ZNF593OS: variants seen among roughly 807,000 people sequenced by gnomAD.
The protein encoded by ZNF593OS is ZNF593 opposite strand.
chr1:26,170,524 G>C (rs775299510), exon 2 of ZNF593OS: 1 of 1,614,188 alleles, frequency 6.2e-7, no homozygotes, highest in Non-Finnish European at 8.5e-7. Flanking sequence ...GTGCTCAGCA[G>C]ATAGGGCTCT....
chr1:26,171,027 C>T lies in ZNF593OS; in HGVS notation c.*162G>A, dbSNP rs1244084180. On this transcript the variant is annotated 3_prime_UTR_variant, in exon 2 of 2. Transcript: ENST00000648649. This position sits in a 1 kb window ranked among gnomAD's most constrained non-coding sequence, Gnocchi z 5.5. Reference sequence around the variant, plus strand: ...AGGTCCTAGCATCTGAACTGGAGCACCCAGATGGAGGCCTGATGCAGTGTG... The same window carrying T: ...AGGTCCTAGCATCTGAACTGGAGCATCCAGATGGAGGCCTGATGCAGTGTG... The T allele has an allele frequency of 3.9e-6, 2 of 517,600 alleles. No individual in the cohort carries two copies. Among genetic ancestry groups the T allele is most frequent in the Non-Finnish European group, 6.8e-6 (2 of 294,516 alleles). 32.1% of individuals were successfully genotyped at this position (517,600 alleles called of 1,614,324 possible). A position where few individuals can be genotyped will look rare whatever the true frequency, so the allele number is the denominator to read the frequency against.
At chr1:26,170,372 G>A (rs2088477512), downstream of ZNF593OS, 2 of 1,589,578 alleles carry the variant, frequency 1.3e-6, no homozygotes, top group African/African-American at 2.7e-5. Context: ...GGTGCACTTG[G>A]GAGACTATCA....
downstream of ZNF593OS, chr1:26,170,095 C>CA: frequency 6.4e-7 from 1 of 1,570,890 alleles, no homozygotes; most frequent in Non-Finnish European, 8.6e-7. Context: ...GCTGCGGCCT[C>CA]AGGGATCCGC....
At chr1:26,169,834 G>T, downstream of ZNF593OS, 1 of 848,182 alleles carries the variant, frequency 1.2e-6, no homozygotes. Flanking sequence ...CGCTCGAGCC[G>T]CTGGCCGAGA....
chr1:26,170,080 C>A (rs755310326), downstream of ZNF593OS: 6 of 1,572,628 alleles, frequency 3.8e-6, no homozygotes, highest in East Asian at 2.3e-5. Flanking sequence ...TGAGATTCAC[C>A]GCGAGCTGCG....
downstream of ZNF593OS, chr1:26,169,792 C>T (rs2088464951): frequency 1.6e-6 from 1 of 611,922 alleles, no homozygotes; most frequent in Non-Finnish European, 2.7e-6. Flanking sequence ...CCGTCCTGAG[C>T]TCGGTCACTG....
At chr1:26,170,105 C>T (rs778403014), downstream of ZNF593OS, 206 of 1,570,384 alleles carry the variant, frequency 1.3e-4, no homozygotes, top group Non-Finnish European at 1.7e-4. Context: ...CAGGGATCCG[C>T]ACGACCCCAG....
At chr1:26,170,332 C>G (rs945093175), downstream of ZNF593OS, 15 of 1,534,494 alleles carry the variant, frequency 9.8e-6, no homozygotes, top group Non-Finnish European at 1.3e-5. Flanking sequence ...CGGATCCTGG[C>G]GTCAGGGACA....
rs192519304 is a variant in ZNF593OS at position 26,171,233 on chromosome 1, C to T, written c.148G>A (p.Val50Ile). Reference sequence around the variant, plus strand: ...CGCCGCTGCCCCACCATCTTCCAGACGGCATAGCAGGAGCCACCCAGGCCG... The same window carrying T: ...CGCCGCTGCCCCACCATCTTCCAGATGGCATAGCAGGAGCCACCCAGGCCG... Residue 50 changes from valine (V) to isoleucine (I), a missense_variant, in exon 2 of 2, where the codon GTC becomes ATC. Transcript: ENST00000648649. This position sits in a 1 kb window ranked among gnomAD's most constrained non-coding sequence, Gnocchi z 5.5. The T allele has an allele frequency of 1.9e-3, 767 of 407,868 alleles. 5 individuals are homozygous for T. The highest frequency in any genetic ancestry group is 1.9e-3 in the Middle Eastern group (3 of 1,600). 25.3% of individuals were successfully genotyped at this position (407,868 alleles called of 1,614,324 possible).
chr1:26,169,775 T>TGG (rs1251627598), downstream of ZNF593OS: 4 of 579,618 alleles, frequency 6.9e-6, no homozygotes, highest in East Asian at 1.3e-4. Flanking sequence ...GGCACACTTC[T>TGG]GGGAGCCCGT....
At chr1:26,170,161 C>G (rs2124497404), downstream of ZNF593OS, 1 of 1,570,242 alleles carries the variant, frequency 6.4e-7, no homozygotes, top group South Asian at 1.1e-5. Flanking sequence ...AGGGGGCGGT[C>G]TGCACCGCTG....
downstream of ZNF593OS, chr1:26,170,332 C>T (rs945093175): frequency 2.0e-6 from 3 of 1,534,610 alleles, no homozygotes; most frequent in Admixed American, 3.6e-5. Context: ...CGGATCCTGG[C>T]GTCAGGGACA....
chr1:26,170,292 T>C (rs1376108876), downstream of ZNF593OS: 16 of 1,523,148 alleles, frequency 1.1e-5, no homozygotes, highest in Non-Finnish European at 1.4e-5. Flanking sequence ...TTGGGACCCG[T>C]GGGTCCGCCC....
At chr1:26,170,395 C>T (rs773862937), downstream of ZNF593OS, 30 of 1,609,950 alleles carry the variant, frequency 1.9e-5, 1 homozygote, top group South Asian at 3.3e-4. Context: ...TCCTCACTCT[C>T]CTTCTCACTT....
At chr1:26,170,955 G>GC (rs1459047198) in exon 2 of ZNF593OS, 9 of 599,678 alleles carry the variant, frequency 1.5e-5, no homozygotes, top group Non-Finnish European at 2.3e-5. Context: ...TGTACACCAG[G>GC]CCTAGGGTGT....
chr1:26,170,266 C>T, downstream of ZNF593OS: 2 of 1,557,854 alleles, frequency 1.3e-6, no homozygotes, highest in Non-Finnish European at 8.7e-7. Context: ...CCCCAGGCAG[C>T]GCAGAGTCTT....
chr1:26,171,457 G>A lies in ZNF593OS; in HGVS notation c.46-122C>T. ...GACATGGACGCCGGTCCTGCCCCAGGGAGATTCCACCCCAATCCCTTTCGC... is the reference window on the plus strand; with the variant it reads ...GACATGGACGCCGGTCCTGCCCCAGAGAGATTCCACCCCAATCCCTTTCGC... On this transcript the variant is annotated intron_variant, in intron 1 of 1. Transcript: ENST00000648649. The surrounding 1 kb of genome is among the most constrained non-coding windows in gnomAD (Gnocchi z 5.5). 5.0e-6 allele frequency: 2 copies of A among 398,744 alleles called. No homozygotes were observed. The highest frequency in any genetic ancestry group is 8.8e-6 in the Non-Finnish European group (2 of 226,326). The allele number at this position is 398,744 out of a possible 1,614,324, so 24.7% of individuals were successfully genotyped here. A position where few individuals can be genotyped will look rare whatever the true frequency, so the allele number is the denominator to read the frequency against.
chr1:26,169,682 A>C, downstream of ZNF593OS: 1 of 469,816 alleles, frequency 2.1e-6, no homozygotes, highest in East Asian at 3.9e-5. Flanking sequence ...AGAGCAGGGC[A>C]GCAAGACGGC....
At chr1:26,170,309 C>T (rs933855186), downstream of ZNF593OS, 2 of 1,527,210 alleles carry the variant, frequency 1.3e-6, no homozygotes, top group Admixed American at 1.9e-5. Flanking sequence ...GCCCGCCTCC[C>T]GTTTCTCAGA....
Sources: gnomAD v4.1 joint callset for allele counts on GRCh38, gnomAD v4.1.1 for gene constraint, Gnocchi (gnomAD v3.1) non-coding constraint, MANE v1.5 for transcripts, NCBI Gene and HGNC (gene_info 2026-07-23, HGNC 2026-07-21) for gene names.